Variants in ATG7 observed in about 807,000 individuals in gnomAD.
The protein encoded by ATG7 is ubiquitin-like modifier-activating enzyme ATG7.
Under a neutral mutation model 82.4 loss-of-function variants are expected in ATG7, and 70 were observed. The observed-to-expected ratio is 0.85, with a 90% CI of 0.70 to 1.04. ATG7 has a LOEUF of 1.04. Among genes scored for constraint, ATG7 ranks in the 50% least tolerant of loss-of-function variants. ATG7 has a pLI of 0.00. For missense variants in ATG7, 792 were observed against 864.3 expected, an observed-to-expected ratio of 0.92 and a Z score of 1.05; for synonymous variants, 287 against 313.0, an observed-to-expected ratio of 0.92 and a Z score of 0.88.
At chr3:11,471,744 TC>T (rs2087551313) in intron 20 of ATG7, among the ~76,000 whole-genome samples, 1 of 92,152 alleles carries the variant, frequency 1.1e-5, no homozygotes, top group African/African-American at 5.3e-5. Context: ...TTTTTAGATT[TC>T]TTTTTTTTTT....
chr3:11,339,634 C>T (rs981744659), intron 11 of ATG7, among the ~76,000 whole-genome samples: 21 of 152,310 alleles, frequency 1.4e-4, no homozygotes, highest in African/African-American at 4.6e-4. Context: ...CTTTCATTAA[C>T]ATGAGAAGGT....
chr3:11,383,326 T>C (rs562594016), intron 19 of ATG7, among the ~76,000 whole-genome samples: 3 of 152,312 alleles, frequency 2.0e-5, no homozygotes, highest in South Asian at 2.1e-4. Flanking sequence ...TTTCCCTCCA[T>C]GTGGATTTGT....
chr3:11,358,121 G>T (rs2076052557), intron 14 of ATG7, among the ~76,000 whole-genome samples: 2 of 152,104 alleles, frequency 1.3e-5, no homozygotes. Context: ...AAGATACACA[G>T]TTTTCTCCAG....
intron 20 of ATG7, among the ~76,000 whole-genome samples, chr3:11,483,217 TAA>T (rs1308558326): frequency 6.6e-6 from 1 of 152,028 alleles, no homozygotes; most frequent in Non-Finnish European, 1.5e-5. Flanking sequence ...CATGGAGAGG[TAA>T]AGTGATATCC....
chr3:11,496,589 A>C (rs2443712), intron 20 of ATG7, among the ~76,000 whole-genome samples: 1 of 152,122 alleles, frequency 6.6e-6, no homozygotes, highest in South Asian at 2.1e-4. Context: ...GCCAAGGGCC[A>C]TTTAAAGAAA....
intron 18 of ATG7, among the ~76,000 whole-genome samples, chr3:11,373,664 T>C (rs891283295): frequency 6.6e-6 from 1 of 152,190 alleles, no homozygotes; most frequent in Admixed American, 6.5e-5. Context: ...AAAGGACAAA[T>C]CTTTTTAACT....
intron 11 of ATG7, among the ~76,000 whole-genome samples, chr3:11,334,442 C>T (rs1386268862): frequency 6.6e-6 from 1 of 151,454 alleles, no homozygotes; most frequent in Non-Finnish European, 1.5e-5. Context: ...ACAGGTTTCA[C>T]CATGTTGGTC....
intron 20 of ATG7, 54 bp from the exon 21 acceptor site, chr3:11,554,756 GC>G: frequency 6.2e-7 from 1 of 1,602,232 alleles, no homozygotes. Flanking sequence ...GCATCTGTGT[GC>G]CCCCCACCGG....
chr3:11,321,649 T>C (rs1950238670), intron 9 of ATG7, among the ~76,000 whole-genome samples: 1 of 151,830 alleles, frequency 6.6e-6, no homozygotes, highest in African/African-American at 2.4e-5. Context: ...TGTGTTGGGG[T>C]AGAGTAGGAA....
chr3:11,318,057 A>G (rs758864650), intron 9 of ATG7, among the ~76,000 whole-genome samples: 20 of 152,338 alleles, frequency 1.3e-4, no homozygotes, highest in Non-Finnish European at 2.1e-4. Flanking sequence ...TAGATGCTCA[A>G]TATGTATCCA....
chr3:11,424,643 A>T (rs2082211767), intron 19 of ATG7, among the ~76,000 whole-genome samples: 1 of 151,906 alleles, frequency 6.6e-6, no homozygotes, highest in Admixed American at 6.6e-5. Context: ...ATCTTATTTT[A>T]ATAAATATTG....
At chr3:11,481,395 T>C (rs2088955924) in intron 20 of ATG7, among the ~76,000 whole-genome samples, 1 of 152,242 alleles carries the variant, frequency 6.6e-6, no homozygotes, top group South Asian at 2.1e-4. Context: ...ACTATGTATT[T>C]GCTGTAAGTT....
intron 19 of ATG7, among the ~76,000 whole-genome samples, chr3:11,421,118 T>C (rs2081908571): frequency 1.3e-5 from 2 of 152,112 alleles, no homozygotes; most frequent in African/African-American, 4.8e-5. Context: ...GTTGTAATCT[T>C]TTTGCTGGTG....
chr3:11,494,934 T>C (rs2090694435), intron 20 of ATG7, among the ~76,000 whole-genome samples: 2 of 152,158 alleles, frequency 1.3e-5, no homozygotes. Context: ...TAGCTGGGCA[T>C]GGTGGTGCAC....
At chr3:11,563,516 CCT>C in the ATG7 span, among the ~76,000 whole-genome samples, 1 of 152,228 alleles carries the variant, frequency 6.6e-6, no homozygotes, top group African/African-American at 2.4e-5. Flanking sequence ...CTGGGAGCTC[CCT>C]GTGGCCGTGA....
chr3:11,505,506 CAA>C (rs1438066132), intron 20 of ATG7, among the ~76,000 whole-genome samples: 4 of 152,122 alleles, frequency 2.6e-5, no homozygotes, highest in Non-Finnish European at 4.4e-5. Flanking sequence ...GAATTGATCT[CAA>C]AGAGAGGAAA....
chr3:11,496,822 A>G (rs2090869249), intron 20 of ATG7, among the ~76,000 whole-genome samples: 1 of 152,116 alleles, frequency 6.6e-6, no homozygotes, highest in Non-Finnish European at 1.5e-5. Context: ...ACAAAAATCC[A>G]TAGGCCTTTC....
At chr3:11,447,728 A>G (rs937291982) in intron 20 of ATG7, among the ~76,000 whole-genome samples, 2 of 152,156 alleles carry the variant, frequency 1.3e-5, no homozygotes, top group African/African-American at 4.8e-5. Context: ...AAAATCCCAG[A>G]TAAGGACTGT....
At position 11,441,152 on chromosome 3, in the gene ATG7, T is replaced by C. The variant is rs76805294; in HGVS notation, c.2079+14226T>C. Among the ~76,000 whole-genome samples the C allele has an allele frequency of 2.1e-3, 327 of 152,354 alleles. 1 individual carries two copies. The highest frequency in any genetic ancestry group is 7.5e-3 in the African/African-American group (312 of 41,594). On this transcript the variant is annotated intron_variant, in intron 20 of 20. Transcript: ENST00000693202. Reference sequence around the variant, plus strand: ...TTTGCTGCTAGCTTTCAAGCATCTGTGTTTATCCTACCTTAATCCTCTTTG... The same window carrying C: ...TTTGCTGCTAGCTTTCAAGCATCTGCGTTTATCCTACCTTAATCCTCTTTG...
Sources: gnomAD v4.1 joint callset for allele counts (sites outside exome capture counted in the v4.1 genomes callset) on GRCh38, gnomAD v4.1.1 for gene constraint, MANE v1.5 for transcripts, NCBI Gene and HGNC (gene_info 2026-07-23, HGNC 2026-07-21) for gene names.